STARD3NL: variants seen among roughly 807,000 people sequenced by gnomAD.
STARD3NL encodes STARD3 N-terminal like, also known as STARD3 N-terminal-like protein.
Under a neutral mutation model 30.9 loss-of-function variants are expected in STARD3NL, and 17 were observed. That is an observed-to-expected ratio of 0.55 (90% CI 0.38 to 0.82). The LOEUF is 0.82. Among genes scored for constraint, STARD3NL ranks in the 40% least tolerant of loss-of-function variants. The pLI, the probability that STARD3NL is intolerant of heterozygous loss-of-function variation, is 0.00. For missense variants in STARD3NL, 234 were observed against 277.6 expected (o/e 0.84, Z 1.12); for synonymous variants, 112 against 100.5 (o/e 1.11, Z -0.69).
intron 6 of STARD3NL, among the ~76,000 whole-genome samples, chr7:38,218,988 C>G (rs998914535): frequency 6.6e-6 from 1 of 152,114 alleles, no homozygotes; most frequent in African/African-American, 2.4e-5. Context: ...TTTTATTTTA[C>G]TTTTTGTTTT....
At chr7:38,228,268 G>A (rs1407510470) in intron 7 of STARD3NL, among the ~76,000 whole-genome samples, 2 of 152,128 alleles carry the variant, frequency 1.3e-5, no homozygotes, top group Non-Finnish European at 2.9e-5. Context: ...TCAGGGATAG[G>A]TCTATCCTAA....
At chr7:38,217,390 G>A (rs1786186123) in intron 6 of STARD3NL, 85 bp downstream of exon 6, 2 of 1,270,020 alleles carry the variant, frequency 1.6e-6, no homozygotes, top group Non-Finnish European at 1.1e-6. Flanking sequence ...TGTGAATGGG[G>A]CTGCAAATGG....
At chr7:38,216,302 T>C (rs1786106888) in intron 4 of STARD3NL, 1 of 152,244 alleles carries the variant, frequency 6.6e-6, no homozygotes, top group African/African-American at 2.4e-5. Context: ...ATTTTATTGC[T>C]TCTGATTCTT....
chr7:38,219,503 C>T, intron 6 of STARD3NL, 62 bp from the exon 7 acceptor site: 1 of 1,222,714 alleles, frequency 8.2e-7, no homozygotes, highest in Non-Finnish European at 1.2e-6. Context: ...TTTACTTAAT[C>T]TTGCCAAAAA....
chr7:38,211,245 T>C (rs560252176), intron 2 of STARD3NL, among the ~76,000 whole-genome samples: 21 of 152,204 alleles, frequency 1.4e-4, no homozygotes, highest in Non-Finnish European at 2.2e-4. Flanking sequence ...ATAATAGAAA[T>C]TCAGATGAGG....
At chr7:38,204,947 A>G (rs1266009437) in intron 1 of STARD3NL, among the ~76,000 whole-genome samples, 2 of 152,314 alleles carry the variant, frequency 1.3e-5, no homozygotes, top group African/African-American at 4.8e-5. Flanking sequence ...AAGAAGTTGA[A>G]TCTCTGAATA....
chr7:38,219,195 C>T (rs1786302553), intron 6 of STARD3NL, among the ~76,000 whole-genome samples: 2 of 152,044 alleles, frequency 1.3e-5, no homozygotes, highest in East Asian at 1.9e-4. Context: ...TACAGGCATG[C>T]ACTACCACAC....
At chr7:38,196,518 A>T (rs1784904378) in intron 1 of STARD3NL, among the ~76,000 whole-genome samples, 1 of 152,036 alleles carries the variant, frequency 6.6e-6, no homozygotes, top group African/African-American at 2.4e-5. Context: ...ATATCTATGG[A>T]ATGCTTTGTA....
At chr7:38,225,204 T>C (rs1255799313) in intron 7 of STARD3NL, among the ~76,000 whole-genome samples, 1 of 152,202 alleles carries the variant, frequency 6.6e-6, no homozygotes, top group Non-Finnish European at 1.5e-5. Context: ...GTTTTCTTTT[T>C]ATTATTGAGT....
chr7:38,196,294 T>C (rs1159634234), intron 1 of STARD3NL, among the ~76,000 whole-genome samples: 1 of 152,216 alleles, frequency 6.6e-6, no homozygotes, highest in Non-Finnish European at 1.5e-5. Context: ...TTTTCCTGGC[T>C]GACCCATCCT....
chr7:38,199,515 G>A (rs1433057115), intron 1 of STARD3NL, among the ~76,000 whole-genome samples: 1 of 152,188 alleles, frequency 6.6e-6, no homozygotes, highest in African/African-American at 2.4e-5. Flanking sequence ...ACTAGTTAGT[G>A]GGAGAGGCAG....
chr7:38,219,534 A>G, intron 6 of STARD3NL, 31 bp from the exon 7 acceptor site: 2 of 1,532,196 alleles, frequency 1.3e-6, no homozygotes, highest in South Asian at 1.2e-5. Flanking sequence ...AGGTGACCTC[A>G]TTCCCAACAT....
intron 4 of STARD3NL, chr7:38,216,636 A>G (rs535444385): frequency 1.1e-5 from 2 of 187,714 alleles, no homozygotes; most frequent in South Asian, 3.4e-4. Flanking sequence ...GAACAGTGAC[A>G]AGGCTCAGGT....
chr7:38,184,705 A>G (rs932025463), intron 1 of STARD3NL, among the ~76,000 whole-genome samples: 1 of 146,568 alleles, frequency 6.8e-6, no homozygotes, highest in Non-Finnish European at 1.5e-5. Context: ...TATAGTATAT[A>G]ATATATATAT....
At chr7:38,184,674 A>T (rs1464341174) in intron 1 of STARD3NL, among the ~76,000 whole-genome samples, 2 of 145,704 alleles carry the variant, frequency 1.4e-5, no homozygotes, top group East Asian at 4.0e-4. Context: ...AATATATACT[A>T]TATATATAAT....
chr7:38,187,755 G>C (rs1387890547), intron 1 of STARD3NL, among the ~76,000 whole-genome samples: 1 of 151,630 alleles, frequency 6.6e-6, no homozygotes, highest in African/African-American at 2.4e-5. Context: ...ACTTTATCTC[G>C]ACTTGGATAT....
chr7:38,190,942 G>GCCAA (rs1784662825), intron 1 of STARD3NL, among the ~76,000 whole-genome samples: 1 of 152,102 alleles, frequency 6.6e-6, no homozygotes, highest in Admixed American at 6.5e-5. Context: ...AGTTCTTGTT[G>GCCAA]CAACGCATCA....
chr7:38,219,544 T>G lies in STARD3NL; in HGVS notation c.554-21T>G, dbSNP rs776951630. 3.2e-6 allele frequency: 5 copies of G among 1,563,054 alleles called. No homozygotes were observed. In the Admixed American group the frequency reaches 8.4e-5, roughly 26 times the overall value. ...CAGAAAGGTGACCTCATTCCCAACA[T>G]CTGAATTTCTTCTCTTCCAGGACTC... is the stretch of plus-strand genomic sequence containing the variant. On this transcript the variant is annotated intron_variant, in intron 6 of 8. Transcript: ENST00000009041.
chr7:38,195,791 T>A (rs1784874869), intron 1 of STARD3NL, among the ~76,000 whole-genome samples: 1 of 152,250 alleles, frequency 6.6e-6, no homozygotes, highest in Admixed American at 6.5e-5. Flanking sequence ...ATCCATCATT[T>A]AGACTGTGTC....
Sources: gnomAD v4.1 joint callset for allele counts (sites outside exome capture counted in the v4.1 genomes callset) on GRCh38, gnomAD v4.1.1 for gene constraint, MANE v1.5 for transcripts, NCBI Gene and HGNC (gene_info 2026-07-23, HGNC 2026-07-21) for gene names.